CDH13: variants seen among roughly 807,000 people sequenced by gnomAD.
The protein encoded by CDH13 is cadherin-13.
Under a neutral mutation model 63.8 loss-of-function variants are expected in CDH13, and 24 were observed. The observed-to-expected ratio is 0.38, with a 90% CI of 0.27 to 0.53. The LOEUF is 0.53. Ranked by LOEUF, CDH13 falls within the 20% of genes least tolerant of loss-of-function variation. The pLI is 0.85. For synonymous variants in CDH13, 503 were observed against 355.3 expected, an observed-to-expected ratio of 1.42 and a Z score of -4.67; for missense variants, 1,049 against 903.1, an observed-to-expected ratio of 1.16 and a Z score of -2.07.
chr16:83,103,306 G>T (rs59852649), intron 3 of CDH13, among the ~76,000 whole-genome samples: 4 of 112,772 alleles, frequency 3.5e-5, no homozygotes, highest in Admixed American at 9.1e-5. Flanking sequence ...GTGCTGTGGC[G>T]TGAACTCAGC....
chr16:83,786,163 A>C (rs1010934008), intron 13 of CDH13, among the ~76,000 whole-genome samples: 4 of 152,200 alleles, frequency 2.6e-5, no homozygotes, highest in Admixed American at 2.0e-4. Context: ...ACAGAATTAA[A>C]ATGTGAACCA....
Position 82,655,143 on chromosome 16 carries a change from T to A in CDH13, c.45+28006T>A, listed in dbSNP as rs187869945. ...CATTCATTCATTTTCCCAACACATT[T>A]ACTGAATGCCCGCAAGCACCAGGAA... On this transcript the variant is annotated intron_variant, in intron 1 of 13. Transcript: ENST00000567109. Among the ~76,000 whole-genome samples, 4 of 152,362 alleles carry A rather than the reference T, an allele frequency of 2.6e-5. No homozygotes were observed. The East Asian group carries it at 7.7e-4, about 29-fold the overall frequency.
At chr16:83,496,814 G>C (rs540775859) in intron 7 of CDH13, among the ~76,000 whole-genome samples, 1 of 152,046 alleles carries the variant, frequency 6.6e-6, no homozygotes, top group African/African-American at 2.4e-5. Flanking sequence ...AAATTTACAA[G>C]AAAAAAACAA....
chr16:82,800,913 T>C (rs1053716748), intron 1 of CDH13, among the ~76,000 whole-genome samples: 4 of 152,208 alleles, frequency 2.6e-5, no homozygotes, highest in Non-Finnish European at 5.9e-5. Flanking sequence ...TATTTCCTTT[T>C]TCCTCCTTTC....
In CDH13 at chr16:83,780,200, C is replaced by T; in HGVS notation, c.1914C>T (p.Asn638=). 6.3e-7 allele frequency: 1 copy of T among 1,577,668 alleles called. No homozygotes were observed. The highest frequency in any genetic ancestry group is 8.7e-7 in the Non-Finnish European group (1 of 1,155,720). ...AAGTCTGGAAGATCTCCAAGATCAA[C>T]AGTAAGTCTGGCTAAAGCATTTCTG... ...PDKVWKISKI[N]NTHALVSLLQ... Residue 638 remains asparagine (N), a splice_region_variant and synonymous_variant, in exon 12 of 14, where the codon AAC becomes AAT. Transcript: ENST00000567109.
intron 13 of CDH13, among the ~76,000 whole-genome samples, chr16:83,787,379 A>G (rs1915955714): frequency 6.6e-6 from 1 of 152,154 alleles, no homozygotes; most frequent in Non-Finnish European, 1.5e-5. Flanking sequence ...CCTGGGAGCT[A>G]TCCAAACACG....
At chr16:83,694,391 T>C (rs1025870033) in intron 10 of CDH13, among the ~76,000 whole-genome samples, 71 of 152,138 alleles carry the variant, frequency 4.7e-4, no homozygotes, top group African/African-American at 1.5e-3. Context: ...AACAGGGTTT[T>C]CTCCAAAAGA....
At chr16:82,940,948 G>A (rs533540536) in intron 2 of CDH13, among the ~76,000 whole-genome samples, 1 of 152,304 alleles carries the variant, frequency 6.6e-6, no homozygotes, top group South Asian at 2.1e-4. Context: ...ATCACTGTAT[G>A]CTGTAGTGCA....
At chr16:83,230,223 C>T (rs1159919817) in intron 5 of CDH13, among the ~76,000 whole-genome samples, 1 of 152,100 alleles carries the variant, frequency 6.6e-6, no homozygotes, top group African/African-American at 2.4e-5. Flanking sequence ...CACATTAGTT[C>T]CTGTTCAGTG....
intron 7 of CDH13, among the ~76,000 whole-genome samples, chr16:83,507,444 C>G (rs995279101): frequency 3.4e-4 from 51 of 152,172 alleles, no homozygotes; most frequent in African/African-American, 1.2e-3. Context: ...GCTAGAAAGA[C>G]TAAGTTCTTT....
At chr16:83,053,843 C>G (rs551468358) in intron 3 of CDH13, among the ~76,000 whole-genome samples, 6 of 152,082 alleles carry the variant, frequency 3.9e-5, no homozygotes, top group African/African-American at 1.4e-4. Context: ...AAACACATTT[C>G]GAGACCCCGA....
intron 2 of CDH13, among the ~76,000 whole-genome samples, chr16:82,922,926 T>C (rs966560113): frequency 5.3e-5 from 8 of 152,186 alleles, no homozygotes; most frequent in South Asian, 2.1e-4. Flanking sequence ...CAAGGAAATA[T>C]TGCAATAAAG....
Position 83,616,812 on chromosome 16 carries a change from T to C in CDH13, c.1101+14218T>C, listed in dbSNP as rs964720076. ...GAAGTAAGATCATGGGTCTGATGCA[T>C]ACATGGTTTCAAACACTGTCCACCT... On this transcript the variant is annotated intron_variant, in intron 8 of 13. Transcript: ENST00000567109. Among the ~76,000 whole-genome samples, 3 of 152,168 alleles carry C rather than the reference T, an allele frequency of 2.0e-5. No homozygotes were observed. In the South Asian group the frequency reaches 6.2e-4, roughly 31 times the overall value.
chr16:82,885,734 T>C (rs2040865104), intron 2 of CDH13, among the ~76,000 whole-genome samples: 1 of 152,228 alleles, frequency 6.6e-6, no homozygotes, highest in Non-Finnish European at 1.5e-5. Context: ...ATTTTGTGCA[T>C]TCAAATTCTG....
At chr16:83,357,479 C>A (rs1490400616) in intron 6 of CDH13, among the ~76,000 whole-genome samples, 8 of 152,122 alleles carry the variant, frequency 5.3e-5, no homozygotes, top group Non-Finnish European at 8.8e-5. Context: ...TTGACCCACG[C>A]AACTAAAACT....
At chr16:83,191,478 T>G (rs1202901251) in intron 4 of CDH13, among the ~76,000 whole-genome samples, 1 of 125,250 alleles carries the variant, frequency 8.0e-6, no homozygotes, top group Non-Finnish European at 1.7e-5. Context: ...TATATATATA[T>G]ATATATATAT....
chr16:83,008,902 A>T, intron 2 of CDH13, among the ~76,000 whole-genome samples: 1 of 152,162 alleles, frequency 6.6e-6, no homozygotes, highest in East Asian at 1.9e-4. Context: ...GGAAAGGTAG[A>T]ATTATGGTGG....
chr16:83,725,553 G>C (rs907828404), intron 10 of CDH13: 1 of 152,356 alleles, frequency 6.6e-6, no homozygotes, highest in Non-Finnish European at 1.5e-5. Flanking sequence ...CTGGTGATTT[G>C]GTTACATCCA....
At chr16:82,766,808 A>G (rs1438890290) in intron 1 of CDH13, among the ~76,000 whole-genome samples, 1 of 152,220 alleles carries the variant, frequency 6.6e-6, no homozygotes, top group Non-Finnish European at 1.5e-5. Context: ...TATAAAATAT[A>G]CTATAACATA....
Sources: gnomAD v4.1 joint callset for allele counts (sites outside exome capture counted in the v4.1 genomes callset) on GRCh38, gnomAD v4.1.1 for gene constraint, MANE v1.5 for transcripts, NCBI Gene and HGNC (gene_info 2026-07-23, HGNC 2026-07-21) for gene names.